OGFOD1: variants seen among roughly 807,000 people sequenced by gnomAD.
OGFOD1 encodes the protein prolyl 3-hydroxylase OGFOD1.
In OGFOD1, 54 loss-of-function variants were observed where a neutral mutation model predicts 67.7. The ratio of observed to expected loss-of-function variants is 0.80; its 90% CI spans 0.64 to 1.00. The LOEUF (loss-of-function observed/expected upper bound fraction) is 1.00, where lower values mean the gene tolerates loss of function less well. Ranked by LOEUF, OGFOD1 falls within the 50% of genes least tolerant of loss-of-function variation. The pLI, the probability that OGFOD1 is intolerant of heterozygous loss-of-function variation, is 0.00. For missense variants in OGFOD1, 606 were observed against 646.7 expected (o/e 0.94, Z 0.68); for synonymous variants, 221 against 227.0 (o/e 0.97, Z 0.24).
rs11861138 is a variant in OGFOD1 at position 56,476,061 on chromosome 16, A to G, written c.1485A>G (p.Pro495=). Residue 495 remains proline (P), a synonymous_variant, in exon 13 of 13, where the codon CCA becomes CCG. Coordinates refer to ENST00000566157, the MANE Select transcript of OGFOD1 (RefSeq NM_018233.4). ...GEDEELLTVN[P]ESNSLALVYR... is the part of the protein sequence containing the mutation. ...TTTTTCAGCTGCTAACAGTGAATCC[A>G]GAAAGCAATTCTTTGGCATTGGTCT... 1,093 of 1,612,374 alleles carry G rather than the reference A, an allele frequency of 6.8e-4. 4 individuals are homozygous for G. The African/African-American group carries it at 0.011, about 16-fold the overall frequency.
At chr16:56,458,348 GAAT>G (rs560895922) in intron 2 of OGFOD1, 197 bp from the exon 3 acceptor site, 100 of 587,166 alleles carry the variant, frequency 1.7e-4, no homozygotes, top group Admixed American at 4.5e-4. Flanking sequence ...TTTGTTTAAT[GAAT>G]AAAGCACAGA....
intron 4 of OGFOD1, among the ~76,000 whole-genome samples, chr16:56,463,922 T>C (rs1962812506): frequency 6.6e-6 from 1 of 152,218 alleles, no homozygotes; most frequent in Non-Finnish European, 1.5e-5. Flanking sequence ...AAATTTACGT[T>C]GATGCCTTAT....
intron 3 of OGFOD1, among the ~76,000 whole-genome samples, chr16:56,462,172 G>A (rs544089763): frequency 6.6e-6 from 1 of 152,132 alleles, no homozygotes; most frequent in South Asian, 2.1e-4. Flanking sequence ...CTGAAAATCA[G>A]TAACTTGGAC....
intron 4 of OGFOD1, among the ~76,000 whole-genome samples, chr16:56,464,764 CT>C (rs2144006163): frequency 6.6e-6 from 1 of 151,842 alleles, no homozygotes; most frequent in African/African-American, 2.4e-5. Context: ...CCAAGCTTAT[CT>C]TTGTATTTTC....
At chr16:56,475,398 G>A in intron 11 of OGFOD1, 109 bp from the exon 12 acceptor site, 1 of 978,872 alleles carries the variant, frequency 1.0e-6, no homozygotes, top group Non-Finnish European at 1.6e-6. Context: ...AGTTACTGCT[G>A]AACTCCCAGA....
chr16:56,467,894 C>A lies in OGFOD1; in HGVS notation c.787-11C>A, dbSNP rs2288055. On this transcript the variant is annotated splice_polypyrimidine_tract_variant and intron_variant, in intron 7 of 12. Transcript: ENST00000566157. ...TTAACTCACATTTTGCATCTGCTGC[C>A]TCTTCGTAAGCATGAGATTTTGTAT... is the stretch of plus-strand genomic sequence containing the variant. The A allele has an allele frequency of 7.3e-7, 1 of 1,372,566 alleles. No individual in the cohort carries two copies. The allele number at this position is 1,372,566 out of a possible 1,614,324, so 85.0% of individuals were successfully genotyped here. A position where few individuals can be genotyped will look rare whatever the true frequency, so the allele number is the denominator to read the frequency against.
chr16:56,475,069 A>G (rs1203335324), intron 11 of OGFOD1, 119 bp downstream of exon 11: 6 of 1,034,202 alleles, frequency 5.8e-6, no homozygotes, highest in African/African-American at 3.2e-5. Context: ...ATCTCACATC[A>G]TGGGATCTCA....
At chr16:56,469,503 A>G (rs1163111425) in intron 8 of OGFOD1, among the ~76,000 whole-genome samples, 3 of 152,138 alleles carry the variant, frequency 2.0e-5, no homozygotes, top group Non-Finnish European at 4.4e-5. Flanking sequence ...CAAGCCAATG[A>G]TGTATCCAGT....
At chr16:56,456,871 C>A (rs1318857192) in intron 2 of OGFOD1, among the ~76,000 whole-genome samples, 1 of 152,136 alleles carries the variant, frequency 6.6e-6, no homozygotes, top group East Asian at 1.9e-4. Flanking sequence ...AATGAAATCA[C>A]CTAACAATAA....
At chr16:56,467,759 C>A in intron 7 of OGFOD1, 146 bp from the exon 8 acceptor site, 1 of 651,472 alleles carries the variant, frequency 1.5e-6, no homozygotes, top group Non-Finnish European at 2.7e-6. Context: ...TTGAGAGTGT[C>A]TTTCTCAAGC....
At chr16:56,469,850 C>CAA (rs751278368) in intron 8 of OGFOD1, among the ~76,000 whole-genome samples, 153 bp from the exon 9 acceptor site, 1,719 of 52,066 alleles carry the variant, frequency 0.033, 45 homozygotes, top group Middle Eastern at 0.045. Flanking sequence ...AACTCCATCT[C>CAA]AAAAAAAAAA....
intron 4 of OGFOD1, among the ~76,000 whole-genome samples, chr16:56,464,500 A>G (rs1463428377): frequency 1.3e-5 from 2 of 152,216 alleles, no homozygotes; most frequent in African/African-American, 4.8e-5. Context: ...TTATAACACA[A>G]TCATTTCTCT....
chr16:56,475,446 G>A, intron 11 of OGFOD1, 61 bp from the exon 12 acceptor site: 1 of 1,461,280 alleles, frequency 6.8e-7, no homozygotes, highest in Non-Finnish European at 9.6e-7. Context: ...AGTGATTTAA[G>A]TAGATGGTGC....
intron 4 of OGFOD1, among the ~76,000 whole-genome samples, chr16:56,465,103 G>A (rs1374345945): frequency 1.3e-5 from 2 of 151,710 alleles, no homozygotes; most frequent in Admixed American, 6.6e-5. Context: ...GGGTTCAAGC[G>A]ATTCTCCTAC....
chr16:56,471,122 C>G (rs2144035975), intron 10 of OGFOD1, among the ~76,000 whole-genome samples: 2 of 151,594 alleles, frequency 1.3e-5, no homozygotes, highest in East Asian at 3.9e-4. Context: ...GAGGCGGAGG[C>G]AGTCTGATCA....
In OGFOD1 at chr16:56,478,603, T is replaced by C. The variant is rs1437441188; in HGVS notation, c.*2398T>C. The C allele has an allele frequency of 2.0e-5, 3 of 152,206 alleles. No homozygotes were observed. Among genetic ancestry groups the C allele is most frequent in the Non-Finnish European group, 2.9e-5 (2 of 68,040 alleles). The allele number at this position is 152,206 out of a possible 1,614,324, so 9.4% of individuals were successfully genotyped here. ...CTTGGGTAGGTGAAACTGTCATGTG[T>C]GCCAAGCTTGGAAAATAGTTTGAGA... On this transcript the variant is annotated 3_prime_UTR_variant, in exon 13 of 13. Transcript: ENST00000566157.
intron 2 of OGFOD1, among the ~76,000 whole-genome samples, chr16:56,456,340 C>G (rs1468215304): frequency 2.6e-5 from 4 of 152,182 alleles, no homozygotes; most frequent in African/African-American, 9.7e-5. Flanking sequence ...GGCCTCCTTC[C>G]CTAGGTACAC....
intron 2 of OGFOD1, among the ~76,000 whole-genome samples, chr16:56,455,087 G>A (rs577467846): frequency 6.6e-6 from 1 of 152,296 alleles, no homozygotes; most frequent in Non-Finnish European, 1.5e-5. Context: ...CTGGAAGATG[G>A]CCGGGCACAG....
intron 11 of OGFOD1, 49 bp downstream of exon 11, chr16:56,474,999 G>T (rs767780639): frequency 6.9e-6 from 11 of 1,599,944 alleles, no homozygotes; most frequent in Middle Eastern, 1.7e-4. Flanking sequence ...AGGAGGGGCA[G>T]TCTCTTCTGA....
Sources: allele counts gnomAD v4.1 joint callset (sites outside exome capture counted in the v4.1 genomes callset), GRCh38; gene constraint gnomAD v4.1.1; transcripts MANE v1.5; gene names NCBI Gene and HGNC (gene_info 2026-07-23, HGNC 2026-07-21).